RYR1: variants seen among roughly 807,000 people sequenced by gnomAD.
The protein encoded by RYR1 is central core disease of muscle.
Under a neutral mutation model 583.5 loss-of-function variants are expected in RYR1, and 342 were observed. That is an observed-to-expected ratio of 0.59 (90% CI 0.54 to 0.64). RYR1 has a LOEUF of 0.64. Ranked by LOEUF, RYR1 falls within the 30% of genes least tolerant of loss-of-function variation. The pLI, the probability that RYR1 is intolerant of heterozygous loss-of-function variation, is 0.00. For synonymous variants in RYR1, 2,791 were observed against 2,822.5 expected, an observed-to-expected ratio of 0.99 and a Z score of 0.35; for missense variants, 6,032 against 6,917.2, an observed-to-expected ratio of 0.87 and a Z score of 4.54.
intron 5 of RYR1, 115 bp downstream of exon 5, chr19:38,443,911 G>C: frequency 3.0e-6 from 3 of 989,468 alleles, no homozygotes; most frequent in Non-Finnish European, 4.8e-6. Context: ...ACATGAATGG[G>C]GGCTTCGTAG....
chr19:38,453,578 CAGG>C (rs1967209176), intron 13 of RYR1, among the ~76,000 whole-genome samples: 2 of 151,436 alleles, frequency 1.3e-5, no homozygotes, highest in Admixed American at 1.3e-4. Context: ...CGGGGAGAGA[CAGG>C]AGATCAATAA....
At chr19:38,536,129 AC>A in intron 82 of RYR1, 59 bp downstream of exon 82, 2 of 1,046,064 alleles carry the variant, frequency 1.9e-6, no homozygotes, top group South Asian at 3.0e-5. Context: ...GATTCCTCCC[AC>A]CCCACCCCCA....
At position 38,566,937 on chromosome 19, in the gene RYR1, G is replaced by C; in HGVS notation, c.13464G>C (p.Pro4488=). ...LGVDGVEEEL[P]PEPEPEPEPE... Reference sequence around the variant, plus strand: ...TGGATGGAGTGGAGGAGGAGCTCCCGCCAGAGCCAGAGCCCGAGCCGGAAC... The same window carrying C: ...TGGATGGAGTGGAGGAGGAGCTCCCCCCAGAGCCAGAGCCCGAGCCGGAAC... The change falls in exon 92 of 106, where the codon CCG becomes CCC. Residue 4488 remains proline (P), a synonymous_variant. Coordinates refer to ENST00000359596, the MANE Select transcript of RYR1 (RefSeq NM_000540.3). The C allele has an allele frequency of 6.2e-7, 1 of 1,605,880 alleles. No individual in the cohort carries two copies. The highest frequency in any genetic ancestry group is 1.7e-4 in the Middle Eastern group (1 of 6,044).
chr19:38,463,063 A>T (rs1028088913), intron 20 of RYR1, among the ~76,000 whole-genome samples: 1 of 125,030 alleles, frequency 8.0e-6, no homozygotes, highest in Non-Finnish European at 1.6e-5. Flanking sequence ...CATCTGGCTA[A>T]TTTTTTGTAT....
At position 38,543,550 on chromosome 19, in the gene RYR1, T is replaced by C. The variant is rs759685960; in HGVS notation, c.11797T>C (p.Tyr3933His). 2 of 1,613,898 alleles carry C rather than the reference T, an allele frequency of 1.2e-6. No individual in the cohort carries two copies. The highest frequency in any genetic ancestry group is 1.7e-6 in the Non-Finnish European group (2 of 1,179,874). The change falls in exon 86 of 106, where the codon TAC (tyrosine) becomes CAC (histidine). Residue 3933 changes from tyrosine to histidine, a missense_variant. Coordinates refer to ENST00000359596, the MANE Select transcript of RYR1 (RefSeq NM_000540.3). The surrounding 1 kb of genome is among the most constrained non-coding windows in gnomAD (Gnocchi z 4.4). The stretch of plus-strand genomic sequence containing the variant: ...CCACCAGGAATCCATCAGCGACTTC[T>C]ACTGGTACTACTCGGGCAAGGATGT... ...LRLQESISDF[Y>H]WYYSGKDVIE...
intron 23 of RYR1, among the ~76,000 whole-genome samples, chr19:38,465,368 T>G (rs1968038626): frequency 6.6e-6 from 1 of 151,556 alleles, no homozygotes. Context: ...CTTGGGAGGT[T>G]GAGATGGGAG....
At position 38,504,429 on chromosome 19, in the gene RYR1, G is replaced by C; in HGVS notation, c.8067+69G>C. 3 of 1,578,706 alleles carry C rather than the reference G, an allele frequency of 1.9e-6. No individual in the cohort carries two copies. The East Asian group carries it at 6.8e-5, about 36-fold the overall frequency. On this transcript the variant is annotated intron_variant, in intron 50 of 105. Coordinates refer to ENST00000359596, the MANE Select transcript of RYR1 (RefSeq NM_000540.3). ...TGGGGCCCAAAATTGGGGGTCCAGA[G>C]TGAAATCCCTCAATTTTGGGGGGTT...
rs150620191 is a variant in RYR1, at chr19:38,504,285, C to G, written c.7992C>G (p.Phe2664Leu). The change falls in exon 50 of 106, where the codon TTC becomes TTG. Residue 2664 changes from phenylalanine (F) to leucine (L), a missense_variant. This residue lies in a region of RYR1 where 1,493 missense variants were observed against 1,715.5 expected (regional missense o/e 0.87). Transcript: ENST00000359596. ...GCCTACCCACGGGCTGGGCCAACTT[C>G]GGGGTCACCTCAGAGGAGGAGCTGC... Reference protein sequence around the residue: ...YYCLPTGWANFGVTSEEELHL... With the variant: ...YYCLPTGWANLGVTSEEELHL... 11 of 1,613,998 alleles carry G rather than the reference C, an allele frequency of 6.8e-6. No homozygotes were observed. Among genetic ancestry groups the G allele is most frequent in the Non-Finnish European group, 9.3e-6 (11 of 1,180,028 alleles).
rs547938029 is a variant in RYR1 at position 38,493,521 on chromosome 19, T to C, written c.6275-831T>C. Among the ~76,000 whole-genome samples the C allele has an allele frequency of 3.2e-3, 480 of 150,358 alleles. 5 individuals carry two copies. Among genetic ancestry groups the C allele is most frequent in the Non-Finnish European group, 5.7e-3 (385 of 67,424 alleles). ...ATTTTTTCTTTTTCTTTTTCGTTTT[T>C]TTTTTTTTTTTTGAGGCAGGGTCTC... On this transcript the variant is annotated intron_variant, in intron 38 of 105. Coordinates refer to ENST00000359596, the MANE Select transcript of RYR1 (RefSeq NM_000540.3).
At chr19:38,495,514 T>C (rs1322003251) in intron 39 of RYR1, among the ~76,000 whole-genome samples, 1 of 151,800 alleles carries the variant, frequency 6.6e-6, no homozygotes, top group Non-Finnish European at 1.5e-5. Flanking sequence ...CCCAGCTAAT[T>C]TGTAAATTTT....
intron 96 of RYR1, among the ~76,000 whole-genome samples, chr19:38,574,685 T>G (rs1315425611): frequency 6.6e-6 from 1 of 151,586 alleles, no homozygotes; most frequent in Non-Finnish European, 1.5e-5. Context: ...ATCAAAGCAC[T>G]TCAAATAATT....
At chr19:38,464,753 G>C in intron 23 of RYR1, 31 bp downstream of exon 23, 2 of 1,546,214 alleles carry the variant, frequency 1.3e-6, no homozygotes, top group Non-Finnish European at 1.8e-6. Flanking sequence ...CCCGTCTGGG[G>C]ATGGACTGGG....
chr19:38,528,084 C>T, intron 73 of RYR1: 1 of 634,186 alleles, frequency 1.6e-6, no homozygotes, highest in South Asian at 1.9e-5. Context: ...TGGTCGTGGC[C>T]TGGCTCGTGG....
At chr19:38,459,838 C>A (rs547743791) in intron 19 of RYR1, among the ~76,000 whole-genome samples, 1 of 152,160 alleles carries the variant, frequency 6.6e-6, no homozygotes, top group Non-Finnish European at 1.5e-5. Context: ...ATAATGCCAG[C>A]ATCTCCCGAT....
chr19:38,464,899 T>C (rs1176633143), intron 23 of RYR1, among the ~76,000 whole-genome samples, 177 bp downstream of exon 23: 1 of 151,158 alleles, frequency 6.6e-6, no homozygotes, highest in African/African-American at 2.4e-5. Flanking sequence ...ATGTCCAGGA[T>C]TGAGGAGTTA....
At position 38,448,728 on chromosome 19, in the gene RYR1, T is replaced by G. The variant is rs1324371379; in HGVS notation, c.1037T>G (p.Phe346Cys). The change falls in exon 11 of 106, where the codon TTC (phenylalanine) becomes TGC (cysteine). Residue 346 changes from phenylalanine (F) to cysteine (C), a missense_variant. Coordinates refer to ENST00000359596, the MANE Select transcript of RYR1 (RefSeq NM_000540.3). ...PEIKYGESLC[F>C]VQHVASGLWL... Reference sequence around the variant, plus strand: ...ATCAAGTACGGGGAGTCACTGTGCTTCGTGCAGCATGTGGCCTCAGGACTG... The same window carrying G: ...ATCAAGTACGGGGAGTCACTGTGCTGCGTGCAGCATGTGGCCTCAGGACTG... The G allele has an allele frequency of 6.2e-7, 1 of 1,614,230 alleles. No homozygotes were observed. The highest frequency in any genetic ancestry group is 8.5e-7 in the Non-Finnish European group (1 of 1,180,050).
rs963340935 is a variant in RYR1, at chr19:38,524,000, C to T, written c.10455+71C>T. ...CCTCTTCCCCCAGCCTCTGCACGCC[C>T]CCGCCTCGAGAAAACCCCTGCTTCT... On this transcript the variant is annotated intron_variant, in intron 70 of 105. Transcript: ENST00000359596. 7.6e-6 allele frequency: 12 copies of T among 1,578,054 alleles called. No homozygotes were observed. In the African/African-American group the frequency reaches 1.6e-4, roughly 21 times the overall value.
rs1969605155 is a variant in RYR1 at position 38,492,632 on chromosome 19, A to G, written c.6270A>G (p.Lys2090=). ...AGGAGCGGTCAGCAGAGGAGAGCAA[A>G]CCCCGTGAGGACTGGGGTCACTGGG... ...PEEERSAEES[K]PRSLQELVSH... Residue 2090 remains lysine (K), a synonymous_variant, in exon 38 of 106, where the codon AAA becomes AAG. Transcript: ENST00000359596. The G allele has an allele frequency of 7.6e-7, 1 of 1,322,354 alleles. No homozygotes were observed. The highest frequency in any genetic ancestry group is 1.0e-6 in the Non-Finnish European group (1 of 969,664). 81.9% of individuals were successfully genotyped at this position (1,322,354 alleles called of 1,614,324 possible).
At chr19:38,571,389 T>A (rs1041535508) in intron 94 of RYR1, among the ~76,000 whole-genome samples, 1 of 152,136 alleles carries the variant, frequency 6.6e-6, no homozygotes, top group African/African-American at 2.4e-5. Flanking sequence ...ATCCCAGCAC[T>A]TTGGGAGGCC....
Sources: allele counts gnomAD v4.1 joint callset (sites outside exome capture counted in the v4.1 genomes callset), GRCh38; gene constraint gnomAD v4.1.1; regional missense constraint gnomAD v4.1.1; non-coding constraint Gnocchi (gnomAD v3.1); transcripts MANE v1.5; gene names NCBI Gene and HGNC (gene_info 2026-07-23, HGNC 2026-07-21).